The following SPRING1 variants were observed in gnomAD, a reference collection of about 807,000 sequenced individuals.
SPRING1 encodes SREBP regulating gene protein.
SPRING1 carries 14 observed loss-of-function variants against 24.7 expected under a neutral mutation model. That is an observed-to-expected ratio of 0.57 (90% CI 0.37 to 0.88). The LOEUF (loss-of-function observed/expected upper bound fraction) is 0.88, where lower values mean the gene tolerates loss of function less well. Ranked by LOEUF, SPRING1 falls within the 40% of genes least tolerant of loss-of-function variation. The pLI, the probability that SPRING1 is intolerant of heterozygous loss-of-function variation, is 0.00. For synonymous variants in SPRING1, 93 were observed against 106.1 expected (o/e 0.88, Z 0.76); for missense variants, 255 against 268.4 (o/e 0.95, Z 0.35).
intron 2 of SPRING1, among the ~76,000 whole-genome samples, chr12:116,722,041 C>T (rs1374989267): frequency 6.6e-6 from 1 of 152,166 alleles, no homozygotes; most frequent in Non-Finnish European, 1.5e-5. Context: ...GTTGCTATTG[C>T]CTTGAAAATT....
Position 116,717,951 on chromosome 12 carries a change from C to T in SPRING1, c.535-58G>A. Reference sequence around the variant, plus strand: ...GAGCGAGCACAGCTTCACACACCTCCCTCTCGGAAGAGTGAGAGTGGATCG... The same window carrying T: ...GAGCGAGCACAGCTTCACACACCTCTCTCTCGGAAGAGTGAGAGTGGATCG... On this transcript the variant is annotated intron_variant, in intron 4 of 4. Coordinates refer to ENST00000261318, the MANE Select transcript of SPRING1 (RefSeq NM_024738.4). The surrounding 1 kb of genome is among the most constrained non-coding windows in gnomAD (Gnocchi z 4.2). The T allele has an allele frequency of 7.3e-7, 1 of 1,368,558 alleles. No individual in the cohort carries two copies. The highest frequency in any genetic ancestry group is 9.9e-7 in the Non-Finnish European group (1 of 1,006,034). 84.8% of individuals were successfully genotyped at this position (1,368,558 alleles called of 1,614,324 possible).
At position 116,711,025 on chromosome 12, in the gene SPRING1, A is replaced by ACACACACGCACGCACG. The variant is rs36071252; in HGVS notation, c.*6784_*6785insCGTGCGTGCGTGTGTG. Reference sequence around the variant, plus strand: ...TTTTGTTACACACACACACACACACACACGCACACACAGAGCCAATGTATG... The same window carrying ACACACACGCACGCACG: ...TTTTGTTACACACACACACACACACACACACACGCACGCACGCACGCACACACAGAGCCAATGTATG... On this transcript the variant is annotated 3_prime_UTR_variant, in exon 5 of 5. Transcript: ENST00000261318. 7 of 150,930 alleles carry ACACACACGCACGCACG rather than the reference A, an allele frequency of 4.6e-5. No homozygotes were observed. The highest frequency in any genetic ancestry group is 1.7e-4 in the African/African-American group (7 of 41,010). 9.3% of individuals were successfully genotyped at this position (150,930 alleles called of 1,614,324 possible). A position where few individuals can be genotyped will look rare whatever the true frequency, so the allele number is the denominator to read the frequency against.
Position 116,732,579 on chromosome 12 carries a change from C to T in SPRING1, c.111+5211G>A, listed in dbSNP as rs183643081. ...AAAATTAGCGAGGCATGGTGGTGCA[C>T]GCCTGTAATCCCAGCTACTCAGGAG... On this transcript the variant is annotated intron_variant, in intron 1 of 4. Coordinates refer to ENST00000261318, the MANE Select transcript of SPRING1 (RefSeq NM_024738.4). 2.0e-3 allele frequency among the ~76,000 whole-genome samples: 311 copies of T among 152,276 alleles called. 3 individuals are homozygous for T. Among genetic ancestry groups the T allele is most frequent in the Non-Finnish European group, 3.6e-3 (247 of 68,026 alleles).
chr12:116,719,828 T>G lies in SPRING1; in HGVS notation c.469A>C (p.Asn157His). The G allele has an allele frequency of 1.2e-6, 2 of 1,614,192 alleles. No individual in the cohort carries two copies. The highest frequency in any genetic ancestry group is 1.7e-6 in the Non-Finnish European group (2 of 1,180,026). Residue 157 changes from asparagine (N) to histidine (H), a missense_variant, in exon 4 of 5, where the codon AAC (asparagine) becomes CAC (histidine). Asn to His is a moderately conservative substitution (Grantham distance 68). Coordinates refer to ENST00000261318, the MANE Select transcript of SPRING1 (RefSeq NM_024738.4). ...FLNRAAVAFQ[N>H]LFMAVEDHFE... is the part of the protein sequence containing the mutation. ...TGATCTTCGACTGCCATGAAGAGGT[T>G]CTGGAATGCCACGGCTGCCCGGTTG...
At chr12:116,731,319 A>G (rs1182202817) in intron 1 of SPRING1, among the ~76,000 whole-genome samples, 1 of 152,220 alleles carries the variant, frequency 6.6e-6, no homozygotes, top group Non-Finnish European at 1.5e-5. Flanking sequence ...AGTGTCAACA[A>G]GGTGAAAAAA....
intron 1 of SPRING1, among the ~76,000 whole-genome samples, chr12:116,725,267 T>C (rs988773984): frequency 6.6e-6 from 1 of 152,164 alleles, no homozygotes; most frequent in African/African-American, 2.4e-5. Context: ...TCCCATTCCG[T>C]CCCGCCCGGG....
intron 1 of SPRING1, among the ~76,000 whole-genome samples, chr12:116,736,281 A>T (rs1246319838): frequency 1.3e-5 from 2 of 152,184 alleles, no homozygotes; most frequent in Non-Finnish European, 2.9e-5. Flanking sequence ...AGAGGAAGGC[A>T]GAGGACGGAG....
intron 1 of SPRING1, among the ~76,000 whole-genome samples, chr12:116,733,252 G>A (rs979259198): frequency 9.9e-5 from 15 of 151,776 alleles, no homozygotes; most frequent in Admixed American, 4.6e-4. Flanking sequence ...GTGCGATCTC[G>A]GCTCACTGCA....
At chr12:116,734,157 G>A (rs2088237) in intron 1 of SPRING1, among the ~76,000 whole-genome samples, 22,861 of 152,190 alleles carry the variant, frequency 0.15, 1,827 homozygotes, top group Middle Eastern at 0.18. Flanking sequence ...GATTACAGGC[G>A]TGAGCCATCG....
chr12:116,717,092 T>C lies in SPRING1; in HGVS notation c.*718A>G, dbSNP rs1317309709. On this transcript the variant is annotated 3_prime_UTR_variant, in exon 5 of 5. Coordinates refer to ENST00000261318, the MANE Select transcript of SPRING1 (RefSeq NM_024738.4). This position sits in a 1 kb window ranked among gnomAD's most constrained non-coding sequence, Gnocchi z 4.2. Reference sequence around the variant, plus strand: ...GGAAAATAACCTGAGGGCAGGCACATGGTGCCCACTGTTAGAAATCGTGCA... The same window carrying C: ...GGAAAATAACCTGAGGGCAGGCACACGGTGCCCACTGTTAGAAATCGTGCA... 6.6e-6 allele frequency: 1 copy of C among 152,266 alleles called. No homozygotes were observed. Among genetic ancestry groups the C allele is most frequent in the Non-Finnish European group, 1.5e-5 (1 of 68,058 alleles). The allele number at this position is 152,266 out of a possible 1,614,324, so 9.4% of individuals were successfully genotyped here.
intron 1 of SPRING1, among the ~76,000 whole-genome samples, chr12:116,730,732 TA>T (rs34575924): frequency 0.9 from 137,393 of 152,166 alleles, 62,113 homozygotes; most frequent in East Asian, 0.99. Context: ...TATACAATAC[TA>T]AAAAAAATCA....
At position 116,738,005 on chromosome 12, in the gene SPRING1, G is replaced by A. The variant is rs1344102934; in HGVS notation, c.-105C>T. On this transcript the variant is annotated 5_prime_UTR_variant, in exon 1 of 5. Transcript: ENST00000261318. ...CCCGGCAGCCCCATCCCTCCAGGCAGGCGCCGGCCCCGCCGCCCGCAGCCC... is the reference window on the plus strand; with the variant it reads ...CCCGGCAGCCCCATCCCTCCAGGCAAGCGCCGGCCCCGCCGCCCGCAGCCC... The A allele has an allele frequency of 2.6e-6, 3 of 1,138,680 alleles. No individual in the cohort carries two copies. The highest frequency in any genetic ancestry group is 3.2e-6 in the Non-Finnish European group (3 of 925,074). The allele number at this position is 1,138,680 out of a possible 1,614,324, so 70.5% of individuals were successfully genotyped here. A position where few individuals can be genotyped will look rare whatever the true frequency, so the allele number is the denominator to read the frequency against.
At chr12:116,719,645 C>T (rs1030824464) in intron 4 of SPRING1, 118 bp downstream of exon 4, 29 of 758,300 alleles carry the variant, frequency 3.8e-5, no homozygotes, top group Middle Eastern at 3.8e-4. Flanking sequence ...AAGCGTGACA[C>T]GGCTTCGAGT....
intron 1 of SPRING1, among the ~76,000 whole-genome samples, chr12:116,725,599 T>C: frequency 6.6e-6 from 1 of 152,128 alleles, no homozygotes; most frequent in East Asian, 1.9e-4. Context: ...ACTTAGTACT[T>C]TTCTGGCCGG....
rs1870512814 is a variant in SPRING1 at position 116,723,102 on chromosome 12, G to A, written c.233C>T (p.Ser78Phe). The change falls in exon 2 of 5, where the codon TCC (serine) becomes TTC (phenylalanine). Residue 78 changes from serine (S) to phenylalanine (F), a missense_variant. Transcript: ENST00000261318. Reference sequence around the variant, plus strand: ...CGTGATGAGGTGCTTCCCTTGAATGGAGTTGCGGCACTGATTGCTCGGACG... The same window carrying A: ...CGTGATGAGGTGCTTCCCTTGAATGAAGTTGCGGCACTGATTGCTCGGACG... Reference protein sequence around the residue: ...SSRPSNQCRNSIQGKHLITDE... With the variant: ...SSRPSNQCRNFIQGKHLITDE... 1 of 1,612,596 alleles carries A rather than the reference G, an allele frequency of 6.2e-7. No individual in the cohort carries two copies. Among genetic ancestry groups the A allele is most frequent in the Non-Finnish European group, 8.5e-7 (1 of 1,180,048 alleles).
chr12:116,719,698 A>G (rs1238799161), intron 4 of SPRING1, 65 bp downstream of exon 4: 15 of 1,360,520 alleles, frequency 1.1e-5, no homozygotes, highest in African/African-American at 1.4e-5. Context: ...GACAGTGTGT[A>G]TTTTCTAGTT....
intron 1 of SPRING1, among the ~76,000 whole-genome samples, chr12:116,731,797 T>C (rs1320799903): frequency 6.6e-6 from 1 of 151,988 alleles, no homozygotes; most frequent in Non-Finnish European, 1.5e-5. Flanking sequence ...ACCCTAAGCC[T>C]CAGTGGCTTC....
chr12:116,727,166 C>T (rs12424878), intron 1 of SPRING1, among the ~76,000 whole-genome samples: 1 of 152,082 alleles, frequency 6.6e-6, no homozygotes, highest in African/African-American at 2.4e-5. Flanking sequence ...TTTTTTCACT[C>T]GAAATTCATT....
chr12:116,715,169 G>C lies in SPRING1; in HGVS notation c.*2641C>G, dbSNP rs1176207341. On this transcript the variant is annotated 3_prime_UTR_variant, in exon 5 of 5. Coordinates refer to ENST00000261318, the MANE Select transcript of SPRING1 (RefSeq NM_024738.4). ...AGGCTGGTCTGAACTCCTGCCTTCA[G>C]GTGATCCACCTGCCTCAGCCTTCCA... The C allele has an allele frequency of 1.3e-5, 2 of 152,094 alleles. No individual in the cohort carries two copies. Among genetic ancestry groups the C allele is most frequent in the South Asian group, 2.1e-4 (1 of 4,828 alleles). The allele number at this position is 152,094 out of a possible 1,614,324, so 9.4% of individuals were successfully genotyped here. A position where few individuals can be genotyped will look rare whatever the true frequency, so the allele number is the denominator to read the frequency against.
Sources: allele counts gnomAD v4.1 joint callset (sites outside exome capture counted in the v4.1 genomes callset), GRCh38; gene constraint gnomAD v4.1.1; non-coding constraint Gnocchi (gnomAD v3.1); transcripts MANE v1.5; gene names NCBI Gene and HGNC (gene_info 2026-07-23, HGNC 2026-07-21).